The following TIAM1 variants were observed in gnomAD, a reference collection of about 807,000 sequenced individuals.
The protein encoded by TIAM1 is TIAM Rac1 associated GEF 1, also known as rho guanine nucleotide exchange factor TIAM1.
In TIAM1, 65 loss-of-function variants were observed where a neutral mutation model predicts 163.5. The ratio of observed to expected loss-of-function variants is 0.40; its 90% CI spans 0.33 to 0.49. The LOEUF (loss-of-function observed/expected upper bound fraction) is 0.49, where lower values mean the gene tolerates loss of function less well. Among genes scored for constraint, TIAM1 ranks in the 20% least tolerant of loss-of-function variants. The pLI, the probability that TIAM1 is intolerant of heterozygous loss-of-function variation, is 0.77. For synonymous variants in TIAM1, 833 were observed against 810.1 expected (o/e 1.03, Z -0.48); for missense variants, 1,789 against 2,044.7 (o/e 0.87, Z 2.41).
At chr21:31,223,866 G>A (rs555601865) in intron 7 of TIAM1, among the ~76,000 whole-genome samples, 26 of 152,174 alleles carry the variant, frequency 1.7e-4, no homozygotes, top group Admixed American at 3.9e-4. Context: ...TCCAAGATCT[G>A]GACCACAAAC....
chr21:31,196,842 A>G (rs1200010445), intron 12 of TIAM1, among the ~76,000 whole-genome samples: 1 of 152,212 alleles, frequency 6.6e-6, no homozygotes, highest in Non-Finnish European at 1.5e-5. Context: ...GAATCAATCT[A>G]TATGCCCATC....
chr21:31,374,366 C>T (rs2076650160), intron 2 of TIAM1, among the ~76,000 whole-genome samples: 1 of 152,180 alleles, frequency 6.6e-6, no homozygotes, highest in Non-Finnish European at 1.5e-5. Context: ...CAATTTCTTC[C>T]CAAACTTCCT....
Position 31,228,241 on chromosome 21 carries a change from A to T in TIAM1, c.1585-2291T>A, listed in dbSNP as rs552280782. On this transcript the variant is annotated intron_variant, in intron 6 of 27. Transcript: ENST00000541036. ...TTTTTAAAAAAAAAAAAAAAAAAAA[A>T]AAAAAAAAAAAAAAAAAAGGAAGGA... Among the ~76,000 whole-genome samples, 39 of 46,720 alleles carry T rather than the reference A, an allele frequency of 8.3e-4. 2 individuals carry two copies. The highest frequency in any genetic ancestry group is 6.5e-3 in the East Asian group (8 of 1,232). 30.7% of individuals were successfully genotyped at this position (46,720 alleles called of 152,430 possible).
chr21:31,188,616 C>T (rs1162970184), intron 13 of TIAM1, among the ~76,000 whole-genome samples: 1 of 152,140 alleles, frequency 6.6e-6, no homozygotes, highest in East Asian at 1.9e-4. Flanking sequence ...GCTCTGTCCC[C>T]CAGGCTGGAA....
intron 4 of TIAM1, among the ~76,000 whole-genome samples, chr21:31,262,951 A>T (rs549538251): frequency 1.6e-4 from 25 of 151,868 alleles, no homozygotes; most frequent in Admixed American, 5.2e-4. Context: ...AAAGAAAAAA[A>T]TTTTTTTTTA....
At chr21:31,159,149 C>G (rs140508344) in intron 16 of TIAM1, among the ~76,000 whole-genome samples, 1 of 152,208 alleles carries the variant, frequency 6.6e-6, no homozygotes, top group Non-Finnish European at 1.5e-5. Context: ...AAAGTACTTA[C>G]AGGCATTTTG....
chr21:31,520,860 C>T (rs185977593), intron 1 of TIAM1, among the ~76,000 whole-genome samples: 6 of 152,332 alleles, frequency 3.9e-5, no homozygotes, highest in Admixed American at 3.9e-4. Flanking sequence ...CAATTCCCAC[C>T]ACTGGACCAA....
intron 2 of TIAM1, among the ~76,000 whole-genome samples, chr21:31,430,550 A>G (rs1314432698): frequency 7.2e-6 from 1 of 138,350 alleles, no homozygotes; most frequent in East Asian, 1.9e-4. Flanking sequence ...ACAAAGGGGG[A>G]AAAAAGATGA....
intron 1 of TIAM1, among the ~76,000 whole-genome samples, chr21:31,540,460 C>G (rs1272850792): frequency 1.3e-5 from 2 of 151,908 alleles, no homozygotes; most frequent in African/African-American, 4.8e-5. Flanking sequence ...TTCAAGTGGC[C>G]GGAAGAGGTG....
At chr21:31,315,219 A>G (rs1445002332) in intron 2 of TIAM1, among the ~76,000 whole-genome samples, 2 of 152,160 alleles carry the variant, frequency 1.3e-5, no homozygotes, top group Non-Finnish European at 2.9e-5. Context: ...AAATACAAAA[A>G]AGTAGCTGCG....
intron 2 of TIAM1, among the ~76,000 whole-genome samples, chr21:31,295,310 A>C (rs923871670): frequency 2.0e-5 from 3 of 152,052 alleles, no homozygotes; most frequent in Non-Finnish European, 4.4e-5. Flanking sequence ...CTCTACTAAA[A>C]ATACAAAAAA....
At chr21:31,334,286 C>T (rs845944) in intron 2 of TIAM1, among the ~76,000 whole-genome samples, 39,598 of 120,578 alleles carry the variant, frequency 0.33, 5,411 homozygotes, top group East Asian at 0.59. Context: ...CCCACCTCCC[C>T]GCCTTTTTTT....
At chr21:31,324,090 G>A (rs939003707) in intron 2 of TIAM1, among the ~76,000 whole-genome samples, 2 of 152,026 alleles carry the variant, frequency 1.3e-5, no homozygotes, top group Non-Finnish European at 2.9e-5. Context: ...TTTTAGGGCA[G>A]TGAAACTATT....
At chr21:31,555,469 G>C (rs1203537971) in intron 1 of TIAM1, among the ~76,000 whole-genome samples, 1 of 152,086 alleles carries the variant, frequency 6.6e-6, no homozygotes, top group Admixed American at 6.5e-5. Flanking sequence ...TTTTGATACA[G>C]AAGACCAAAT....
chr21:31,350,037 C>G (rs2076208977), intron 2 of TIAM1, among the ~76,000 whole-genome samples: 1 of 152,204 alleles, frequency 6.6e-6, no homozygotes, highest in African/African-American at 2.4e-5. Context: ...ATAATGTTCT[C>G]AATGTTTTCA....
At chr21:31,505,606 G>GAA (rs113306153) in intron 1 of TIAM1, among the ~76,000 whole-genome samples, 17 of 152,042 alleles carry the variant, frequency 1.1e-4, no homozygotes, top group African/African-American at 3.9e-4. Flanking sequence ...AATTGTGGGG[G>GAA]AAAAAATCAG....
At chr21:31,234,708 G>A (rs2088646999) in intron 6 of TIAM1, among the ~76,000 whole-genome samples, 1 of 152,096 alleles carries the variant, frequency 6.6e-6, no homozygotes, top group African/African-American at 2.4e-5. Flanking sequence ...CTGAGCCTTG[G>A]GAGGCTGAGG....
chr21:31,264,019 G>T (rs2072621798), intron 4 of TIAM1, among the ~76,000 whole-genome samples: 1 of 152,214 alleles, frequency 6.6e-6, no homozygotes. Context: ...CAATTCAGAA[G>T]AGATGGGTTT....
intron 1 of TIAM1, among the ~76,000 whole-genome samples, chr21:31,502,383 C>A (rs905714697): frequency 6.6e-6 from 1 of 152,134 alleles, no homozygotes; most frequent in Admixed American, 6.6e-5. Flanking sequence ...GCAATTATCC[C>A]GGCCTCAGCC....
Sources: allele counts gnomAD v4.1 joint callset (sites outside exome capture counted in the v4.1 genomes callset), GRCh38; gene constraint gnomAD v4.1.1; transcripts MANE v1.5; gene names NCBI Gene and HGNC (gene_info 2026-07-23, HGNC 2026-07-21).